Variants in PTPRT observed in about 807,000 individuals in gnomAD.
PTPRT encodes the protein protein tyrosine phosphatase receptor type T.
A neutral mutation model predicts 176.8 loss-of-function variants in PTPRT; 56 were observed. The ratio of observed to expected loss-of-function variants is 0.32; its 90% CI spans 0.26 to 0.40. The LOEUF (loss-of-function observed/expected upper bound fraction) is 0.40. Among genes scored for constraint, PTPRT ranks in the 10% least tolerant of loss-of-function variants. The probability of loss-of-function intolerance (pLI) is 1.00; values close to 1 mark genes in which losing one functional copy is unlikely to be tolerated. For synonymous variants in PTPRT, 783 were observed against 739.0 expected, an observed-to-expected ratio of 1.06 and a Z score of -0.96; for missense variants, 1,540 against 1,908.2, an observed-to-expected ratio of 0.81 and a Z score of 3.60.
At position 42,742,435 on chromosome 20, in the gene PTPRT, C is replaced by G. The variant is rs1305575517; in HGVS notation, c.859+14027G>C. ...TTCCCATCACAGCCCAGTGAAGTTACTGGATGAGGAGAGGTGGTGCTGTAC... is the reference window on the plus strand; with the variant it reads ...TTCCCATCACAGCCCAGTGAAGTTAGTGGATGAGGAGAGGTGGTGCTGTAC... On this transcript the variant is annotated intron_variant, in intron 6 of 30. Coordinates refer to ENST00000373187, the MANE Select transcript of PTPRT (RefSeq NM_007050.6). 2.0e-5 allele frequency among the ~76,000 whole-genome samples: 3 copies of G among 152,188 alleles called. No homozygotes were observed. In the East Asian group the frequency reaches 5.8e-4, roughly 29 times the overall value.
chr20:42,250,652 C>G (rs1399019588), intron 13 of PTPRT, among the ~76,000 whole-genome samples: 2 of 152,162 alleles, frequency 1.3e-5, no homozygotes, highest in African/African-American at 4.8e-5. Context: ...CTAGCACAGG[C>G]CTCCCTCCTC....
At chr20:42,137,176 G>A (rs2146397291) in intron 18 of PTPRT, among the ~76,000 whole-genome samples, 1 of 152,340 alleles carries the variant, frequency 6.6e-6, no homozygotes, top group South Asian at 2.1e-4. Context: ...TGCACCACAA[G>A]GCATCTGTAG....
chr20:42,549,493 G>A (rs556681449), intron 7 of PTPRT, among the ~76,000 whole-genome samples: 4 of 152,236 alleles, frequency 2.6e-5, no homozygotes, highest in Non-Finnish European at 4.4e-5. Context: ...CTCAATAAAA[G>A]AAACAAGCAG....
chr20:43,158,134 G>A (rs1018038854), intron 1 of PTPRT, among the ~76,000 whole-genome samples: 2 of 152,100 alleles, frequency 1.3e-5, no homozygotes, highest in African/African-American at 2.4e-5. Flanking sequence ...TGGAGGTGGC[G>A]AGAGTGGGGG....
intron 1 of PTPRT, among the ~76,000 whole-genome samples, chr20:43,015,056 T>C (rs147054700): frequency 6.6e-6 from 1 of 152,360 alleles, no homozygotes; most frequent in East Asian, 1.9e-4. Flanking sequence ...TTCTCTTTTA[T>C]GCCCTGTATA....
chr20:42,470,924 G>C (rs7274681), intron 8 of PTPRT, among the ~76,000 whole-genome samples: 2 of 151,380 alleles, frequency 1.3e-5, no homozygotes, highest in Non-Finnish European at 2.9e-5. Flanking sequence ...TGGGGGTATG[G>C]AGGTGGGGTG....
intron 1 of PTPRT, among the ~76,000 whole-genome samples, chr20:43,012,275 T>G (rs547589550): frequency 4.3e-4 from 65 of 152,340 alleles, no homozygotes; most frequent in African/African-American, 1.5e-3. Flanking sequence ...ACACATGCTG[T>G]AACATGAATG....
chr20:42,072,751 A>G (rs1375784338), downstream of PTPRT: 2 of 206,284 alleles, frequency 9.7e-6, no homozygotes, highest in Non-Finnish European at 2.0e-5. Flanking sequence ...ACCAGTACGA[A>G]TATCTTAGGA....
At chr20:42,945,191 ATATG>A (rs199546552) in intron 1 of PTPRT, among the ~76,000 whole-genome samples, 2 of 151,208 alleles carry the variant, frequency 1.3e-5, no homozygotes. Flanking sequence ...AGATACATAT[ATATG>A]TATGTATGTA....
intron 1 of PTPRT, among the ~76,000 whole-genome samples, chr20:43,052,469 G>T (rs966457666): frequency 4.6e-5 from 7 of 152,200 alleles, no homozygotes; most frequent in African/African-American, 1.7e-4. Flanking sequence ...CCTGCCCTCA[G>T]GGAGCTTTCA....
chr20:42,144,256 T>C (rs1035958369), intron 17 of PTPRT, among the ~76,000 whole-genome samples: 6 of 151,708 alleles, frequency 4.0e-5, no homozygotes, highest in Admixed American at 6.6e-5. Flanking sequence ...AGAAACAGGA[T>C]TGGGGAGGTA....
At chr20:42,898,383 AT>A (rs921476092) in intron 1 of PTPRT, among the ~76,000 whole-genome samples, 4 of 152,004 alleles carry the variant, frequency 2.6e-5, no homozygotes, top group East Asian at 1.9e-4. Flanking sequence ...TAATTTTTAA[AT>A]TTTTTGTAGA....
chr20:42,974,109 C>A (rs1017033470), intron 1 of PTPRT, among the ~76,000 whole-genome samples: 1 of 152,114 alleles, frequency 6.6e-6, no homozygotes, highest in African/African-American at 2.4e-5. Flanking sequence ...CACCCATATC[C>A]CGCCAACCAG....
At chr20:43,042,708 C>CCCTCCCACCCGCCATCCCT (rs1986661768) in intron 1 of PTPRT, among the ~76,000 whole-genome samples, 5 of 106,978 alleles carry the variant, frequency 4.7e-5, no homozygotes, top group Non-Finnish European at 7.0e-5. Context: ...CTTCCACCCA[C>CCCTCCCACCCGCCATCCCT]CCTCCCACCC....
At chr20:42,175,026 C>T (rs1290891582) in intron 16 of PTPRT, among the ~76,000 whole-genome samples, 1 of 152,104 alleles carries the variant, frequency 6.6e-6, no homozygotes, top group Admixed American at 6.5e-5. Context: ...AAATCTGCTG[C>T]CCCTCTCTTT....
chr20:42,555,934 T>C (rs1304256842), intron 7 of PTPRT, among the ~76,000 whole-genome samples: 4 of 152,142 alleles, frequency 2.6e-5, no homozygotes, highest in African/African-American at 9.7e-5. Context: ...AAGCCAATGA[T>C]AGGATTTTTC....
intron 7 of PTPRT, among the ~76,000 whole-genome samples, chr20:42,499,445 C>T (rs1288241639): frequency 1.3e-5 from 2 of 152,024 alleles, no homozygotes; most frequent in Non-Finnish European, 1.5e-5. Context: ...GCATCCACCA[C>T]CACACCTGGC....
intron 7 of PTPRT, among the ~76,000 whole-genome samples, chr20:42,654,697 G>A (rs1412784789): frequency 6.6e-6 from 1 of 152,150 alleles, no homozygotes; most frequent in Non-Finnish European, 1.5e-5. Context: ...AAGCCTCACA[G>A]GAGCCCACTG....
intron 1 of PTPRT, among the ~76,000 whole-genome samples, chr20:42,959,680 T>C (rs928839210): frequency 6.6e-6 from 1 of 152,082 alleles, no homozygotes; most frequent in Non-Finnish European, 1.5e-5. Flanking sequence ...ACCTTCTGCT[T>C]GAATCCTCCT....
Sources: gnomAD v4.1 joint callset for allele counts (sites outside exome capture counted in the v4.1 genomes callset) on GRCh38, gnomAD v4.1.1 for gene constraint, MANE v1.5 for transcripts, NCBI Gene and HGNC (gene_info 2026-07-23, HGNC 2026-07-21) for gene names.